Variants in FOXN3 observed in about 807,000 individuals in gnomAD.
FOXN3 encodes forkhead box N3, also known as forkhead box protein N3.
A neutral mutation model predicts 38.4 loss-of-function variants in FOXN3; 7 were observed. The ratio of observed to expected loss-of-function variants is 0.18; its 90% confidence interval spans 0.10 to 0.34. FOXN3 has a LOEUF of 0.34. FOXN3 is among the 10% of genes least tolerant of loss of function. The pLI is 1.00. For synonymous variants in FOXN3, 230 were observed against 242.2 expected (o/e 0.95, Z 0.47); for missense variants, 456 against 613.4 (o/e 0.74, Z 2.71).
intron 2 of FOXN3, among the ~76,000 whole-genome samples, chr14:89,388,293 AG>A (rs1416451979): frequency 1.4e-4 from 21 of 152,196 alleles, no homozygotes; most frequent in African/African-American, 5.1e-4. Flanking sequence ...AGGCCATCTG[AG>A]CAAAGGATAC....
At chr14:89,582,611 T>C (rs1364335804) in intron 1 of FOXN3, among the ~76,000 whole-genome samples, 1 of 150,346 alleles carries the variant, frequency 6.7e-6, no homozygotes, top group African/African-American at 2.5e-5. Flanking sequence ...TGCCTCAGCC[T>C]CCCGAGTAGC....
chr14:89,421,172 A>G (rs1891898141), upstream of FOXN3, among the ~76,000 whole-genome samples: 1 of 138,900 alleles, frequency 7.2e-6, no homozygotes, highest in African/African-American at 2.7e-5. Flanking sequence ...TTTTGAGACA[A>G]GAGTTTTGCT....
chr14:89,368,375 G>C (rs544823960), intron 2 of FOXN3, among the ~76,000 whole-genome samples: 52 of 151,692 alleles, frequency 3.4e-4, no homozygotes, highest in South Asian at 6.3e-4. Context: ...AGGCACAGTG[G>C]CTCATACCTA....
chr14:89,492,398 G>A (rs1465080158), intron 1 of FOXN3, among the ~76,000 whole-genome samples: 1 of 151,722 alleles, frequency 6.6e-6, no homozygotes, highest in Non-Finnish European at 1.5e-5. Flanking sequence ...GTACAAGTGG[G>A]CAGAGCAGCT....
chr14:89,411,870 T>C (rs992581696), intron 2 of FOXN3, 64 bp downstream of exon 2: 19 of 1,102,666 alleles, frequency 1.7e-5, no homozygotes, highest in Non-Finnish European at 2.2e-5. Flanking sequence ...TCATTTTTAA[T>C]AGAGAAAAAT....
intron 1 of FOXN3, among the ~76,000 whole-genome samples, chr14:89,591,258 G>A (rs1351552251): frequency 6.6e-6 from 1 of 152,180 alleles, no homozygotes; most frequent in Non-Finnish European, 1.5e-5. Context: ...GAGAAGAGAT[G>A]AGACATCAGA....
upstream of FOXN3, chr14:89,417,243 G>A (rs1891769050): frequency 6.8e-6 from 1 of 147,522 alleles, no homozygotes; most frequent in Non-Finnish European, 1.5e-5. Flanking sequence ...TGACCAGGCA[G>A]GAGGAGGGGA....
At chr14:89,399,453 G>A (rs1445748174) in intron 2 of FOXN3, among the ~76,000 whole-genome samples, 2 of 152,208 alleles carry the variant, frequency 1.3e-5, no homozygotes, top group Non-Finnish European at 2.9e-5. Flanking sequence ...CCTGAGATAT[G>A]CTTTGTTGCT....
intron 3 of FOXN3, chr14:89,349,551 G>A (rs903886967): frequency 2.6e-5 from 4 of 152,612 alleles, no homozygotes; most frequent in African/African-American, 9.7e-5. Flanking sequence ...TCGGCTACGC[G>A]TTACTATGGA....
In FOXN3 at chr14:89,521,319, AAGAG is replaced by A. The variant is rs757119534; in HGVS notation, c.-15+97705_-15+97708del. On this transcript the variant is annotated intron_variant, in intron 1 of 6. Coordinates refer to the FOXN3 transcript ENST00000345097. ...GCAGGCTCCATCTAAAAAAAAACAA[AAGAG>A]AGAGAGAGAATGATGAATCTTCATA... is the stretch of plus-strand genomic sequence containing the variant. 1.1e-4 allele frequency among the ~76,000 whole-genome samples: 17 copies of A among 151,202 alleles called. 1 individual carries two copies. The East Asian group carries it at 2.3e-3, about 21-fold the overall frequency.
At chr14:89,230,758 T>C (rs760684252) in intron 4 of FOXN3, 6 of 397,114 alleles carry the variant, frequency 1.5e-5, no homozygotes, top group Admixed American at 2.8e-5. Context: ...ATTAAATAAA[T>C]AGATAAACAA....
chr14:89,493,478 G>A (rs1596296358), intron 1 of FOXN3, among the ~76,000 whole-genome samples: 1 of 152,124 alleles, frequency 6.6e-6, no homozygotes, highest in Non-Finnish European at 1.5e-5. Context: ...TTACTTGGTT[G>A]CTCTGTAACC....
At chr14:89,602,260 G>A (rs1018216424) in intron 1 of FOXN3, among the ~76,000 whole-genome samples, 2 of 151,278 alleles carry the variant, frequency 1.3e-5, no homozygotes, top group African/African-American at 2.4e-5. Context: ...CTGCACTCCA[G>A]CCTGGGTGAC....
chr14:89,303,529 T>C (rs1183836090), intron 3 of FOXN3, among the ~76,000 whole-genome samples: 1 of 149,452 alleles, frequency 6.7e-6, no homozygotes, highest in Non-Finnish European at 1.5e-5. Flanking sequence ...ACTAGCCCTA[T>C]AAAGTATATA....
At chr14:89,610,724 G>A (rs1896372349) in intron 1 of FOXN3, among the ~76,000 whole-genome samples, 1 of 152,204 alleles carries the variant, frequency 6.6e-6, no homozygotes, top group Non-Finnish European at 1.5e-5. Flanking sequence ...GGGATAGTCT[G>A]TCTGGGAATG....
intron 5 of FOXN3, among the ~76,000 whole-genome samples, chr14:89,179,297 C>T (rs183868737): frequency 3.9e-5 from 6 of 152,290 alleles, no homozygotes; most frequent in East Asian, 1.9e-4. Context: ...GAAGATTATG[C>T]GACTTGTCCT....
At chr14:89,436,100 CAA>C (rs1775776329) in intron 1 of FOXN3, among the ~76,000 whole-genome samples, 1 of 151,548 alleles carries the variant, frequency 6.6e-6, no homozygotes, top group Non-Finnish European at 1.5e-5. Flanking sequence ...CTCGGCCTCC[CAA>C]AATGCTGAGA....
intron 1 of FOXN3, among the ~76,000 whole-genome samples, chr14:89,581,486 GA>G (rs71107534): frequency 7.2e-4 from 105 of 145,866 alleles, no homozygotes; most frequent in African/African-American, 2.6e-3. Context: ...CTGTCTCAAA[GA>G]AAAAAAAAAA....
At chr14:89,574,252 C>T (rs1024473658) in intron 1 of FOXN3, among the ~76,000 whole-genome samples, 1 of 152,170 alleles carries the variant, frequency 6.6e-6, no homozygotes, top group African/African-American at 2.4e-5. Context: ...GGGCAGCCAA[C>T]ATCAGCAACA....
Sources: gnomAD v4.1 joint callset for allele counts (sites outside exome capture counted in the v4.1 genomes callset) on GRCh38, gnomAD v4.1.1 for gene constraint, MANE v1.5 for transcripts, NCBI Gene and HGNC (gene_info 2026-07-23, HGNC 2026-07-21) for gene names.